SHC4: variants seen among roughly 807,000 people sequenced by gnomAD.
The protein encoded by SHC4 is SHC-transforming protein 4.
SHC4 carries 41 observed loss-of-function variants against 69.4 expected under a neutral mutation model. The ratio of observed to expected loss-of-function variants is 0.59; its 90% CI spans 0.46 to 0.77. The LOEUF is 0.77. Ranked by LOEUF, SHC4 falls within the 30% of genes least tolerant of loss-of-function variation. The pLI is 0.00. For missense variants in SHC4, 777 were observed against 783.8 expected (o/e 0.99, Z 0.10); for synonymous variants, 318 against 299.3 (o/e 1.06, Z -0.64).
At chr15:48,893,927 G>A (rs936914687) in intron 2 of SHC4, among the ~76,000 whole-genome samples, 1 of 152,176 alleles carries the variant, frequency 6.6e-6, no homozygotes. Flanking sequence ...ACTCCCACCT[G>A]GGTGACAGAG....
At chr15:48,939,436 T>G (rs1901134629) in intron 1 of SHC4, among the ~76,000 whole-genome samples, 1 of 152,220 alleles carries the variant, frequency 6.6e-6, no homozygotes, top group South Asian at 2.1e-4. Flanking sequence ...AAATACCAAA[T>G]ACTTCAATAT....
chr15:48,845,890 C>T (rs1899081736), intron 9 of SHC4, among the ~76,000 whole-genome samples: 1 of 152,084 alleles, frequency 6.6e-6, no homozygotes, highest in Non-Finnish European at 1.5e-5. Flanking sequence ...TATATTAGCA[C>T]ATGTGTATAC....
At chr15:48,848,013 A>AC (rs530361228) in intron 9 of SHC4, among the ~76,000 whole-genome samples, 270 of 151,408 alleles carry the variant, frequency 1.8e-3, no homozygotes, top group Non-Finnish European at 3.3e-3. Flanking sequence ...AAAAAAAAAA[A>AC]AAAACAAAAA....
intron 11 of SHC4, among the ~76,000 whole-genome samples, chr15:48,832,376 T>TAA (rs1954501319): frequency 6.6e-6 from 1 of 152,220 alleles, no homozygotes; most frequent in African/African-American, 2.4e-5. Flanking sequence ...AACCCACTGA[T>TAA]AGTCTTACGG....
Position 48,917,519 on chromosome 15 carries a change from T to G in SHC4, c.656+7360A>C, listed in dbSNP as rs143925249. On this transcript the variant is annotated intron_variant, in intron 2 of 11. Coordinates refer to ENST00000332408, the MANE Select transcript of SHC4 (RefSeq NM_203349.4). Reference sequence around the variant, plus strand: ...ACTTTGTTTTCCTAATGATCTTGTTTCTCTTTACTATCAGTAAAAACCTCC... The same window carrying G: ...ACTTTGTTTTCCTAATGATCTTGTTGCTCTTTACTATCAGTAAAAACCTCC... Among the ~76,000 whole-genome samples the G allele has an allele frequency of 2.5e-3, 382 of 152,260 alleles. 1 individual carries two copies. Among genetic ancestry groups the G allele is most frequent in the African/African-American group, 9.0e-3 (375 of 41,532 alleles).
Position 48,878,577 on chromosome 15 carries a change from T to C in SHC4, c.840+5671A>G, listed in dbSNP as rs1252850734. 3.1e-6 allele frequency: 5 copies of C among 1,613,946 alleles called. No individual in the cohort carries two copies. The East Asian group carries it at 1.1e-4, about 36-fold the overall frequency. ...GCCGCTCTTGAAGAAGCCGACAAGA[T>C]GTTTCTGAGAACAAGAGAACCAGCC... On this transcript the variant is annotated intron_variant, in intron 4 of 11. Coordinates refer to ENST00000332408, the MANE Select transcript of SHC4 (RefSeq NM_203349.4).
intron 9 of SHC4, among the ~76,000 whole-genome samples, chr15:48,846,226 T>C (rs1033587847): frequency 1.3e-5 from 2 of 152,184 alleles, no homozygotes; most frequent in Admixed American, 1.3e-4. Flanking sequence ...TCTTACTATC[T>C]GAGCGGTCTG....
chr15:48,854,281 T>TATCAC (rs1899270077), intron 8 of SHC4, among the ~76,000 whole-genome samples: 1 of 151,962 alleles, frequency 6.6e-6, no homozygotes, highest in Non-Finnish European at 1.5e-5. Flanking sequence ...TCACATATCA[T>TATCAC]ATCAGAATGA....
At chr15:48,904,620 G>A (rs1478971785) in intron 2 of SHC4, among the ~76,000 whole-genome samples, 1 of 152,084 alleles carries the variant, frequency 6.6e-6, no homozygotes, top group Non-Finnish European at 1.5e-5. Context: ...GCTCACACCT[G>A]TAATCCCAGC....
At chr15:48,854,782 G>A (rs117783167) in intron 8 of SHC4, among the ~76,000 whole-genome samples, 2,738 of 152,168 alleles carry the variant, frequency 0.018, 162 homozygotes, top group Admixed American at 0.12. Flanking sequence ...ACTCATAGAC[G>A]TAAAGATGGC....
intron 4 of SHC4, chr15:48,878,288 C>T: frequency 6.2e-7 from 1 of 1,613,700 alleles, no homozygotes; most frequent in Non-Finnish European, 8.5e-7. Context: ...CAGCGGGAGC[C>T]GGGAGCTATC....
chr15:48,851,213 G>A lies in SHC4; in HGVS notation c.1278C>T (p.Asn426=), dbSNP rs1348121295. The part of the protein sequence containing the change: ...GNSKCSSVYE[N]CLEQSRAIGN... ...CTATTGCCCTGCTTTGTTCTAAACAGTTCTCATATACACTGCTGCACTTGG... is the reference window on the plus strand; with the variant it reads ...CTATTGCCCTGCTTTGTTCTAAACAATTCTCATATACACTGCTGCACTTGG... The change falls in exon 9 of 12, where the codon AAC becomes AAT. Residue 426 remains asparagine (N), a synonymous_variant. Coordinates refer to ENST00000332408, the MANE Select transcript of SHC4 (RefSeq NM_203349.4). 1 of 1,614,078 alleles carries A rather than the reference G, an allele frequency of 6.2e-7. No individual in the cohort carries two copies. Among genetic ancestry groups the A allele is most frequent in the South Asian group, 1.1e-5 (1 of 91,070 alleles).
chr15:48,962,619 G>A lies in SHC4; in HGVS notation c.397C>T (p.Pro133Ser). 2 of 1,614,168 alleles carry A rather than the reference G, an allele frequency of 1.2e-6. No homozygotes were observed. Among genetic ancestry groups the A allele is most frequent in the Non-Finnish European group, 1.7e-6 (2 of 1,180,016 alleles). The change falls in exon 1 of 12, where the codon CCA becomes TCA. Residue 133 changes from proline (P) to serine (S), a missense_variant. Physicochemically the swap from Pro to Ser is moderately conservative, Grantham distance 74. Transcript: ENST00000332408. Reference protein sequence around the residue: ...RDPGSSGPSSPETSLSRSGTA... With the variant: ...RDPGSSGPSSSETSLSRSGTA... ...CCGGACCTACTTAAACTGGTTTCTG[G>A]GGAAGAGGGGCCGCTGGAACCTGGG...
chr15:48,919,441 C>T lies in SHC4; in HGVS notation c.656+5438G>A, dbSNP rs1177592648. 2.0e-5 allele frequency among the ~76,000 whole-genome samples: 3 copies of T among 151,396 alleles called. No individual in the cohort carries two copies. The East Asian group carries it at 5.8e-4, about 29-fold the overall frequency. On this transcript the variant is annotated intron_variant, in intron 2 of 11. Coordinates refer to ENST00000332408, the MANE Select transcript of SHC4 (RefSeq NM_203349.4). ...TTGGCCTATAGCATATCTGGGACTA[C>T]AGGCTTGCACTACCATGCTTTATTT...
intron 4 of SHC4, among the ~76,000 whole-genome samples, chr15:48,875,858 A>T: frequency 6.6e-6 from 1 of 152,210 alleles, no homozygotes. Context: ...CTAGTCAGAA[A>T]ATGTCACCTG....
At chr15:48,866,122 C>A (rs1222759151) in intron 6 of SHC4, among the ~76,000 whole-genome samples, 1 of 152,080 alleles carries the variant, frequency 6.6e-6, no homozygotes. Flanking sequence ...CATGTTAAGA[C>A]AAAAAGTGTT....
intron 1 of SHC4, among the ~76,000 whole-genome samples, chr15:48,939,169 A>T (rs536263351): frequency 6.6e-6 from 1 of 152,310 alleles, no homozygotes; most frequent in East Asian, 1.9e-4. Flanking sequence ...GGAGCTGATA[A>T]ACAAGCCTCA....
Position 48,908,714 on chromosome 15 carries a change from A to G in SHC4, c.656+16165T>C, listed in dbSNP as rs144593780. 6.4e-3 allele frequency among the ~76,000 whole-genome samples: 975 copies of G among 152,168 alleles called. 2 individuals are homozygous for G. The highest frequency in any genetic ancestry group is 0.01 in the Middle Eastern group (3 of 294). On this transcript the variant is annotated intron_variant, in intron 2 of 11. Coordinates refer to ENST00000332408, the MANE Select transcript of SHC4 (RefSeq NM_203349.4). The stretch of plus-strand genomic sequence containing the variant: ...AGGTTTAAATCCTTAATCCATCTTG[A>G]GTTGATTTTTGTATAAGGTGAGTGA...
intron 4 of SHC4, among the ~76,000 whole-genome samples, chr15:48,874,160 C>T (rs1899749004): frequency 6.6e-6 from 1 of 152,128 alleles, no homozygotes. Flanking sequence ...AGAGTTAGCG[C>T]AGTTTTTTAA....
Sources: gnomAD v4.1 joint callset for allele counts (sites outside exome capture counted in the v4.1 genomes callset) on GRCh38, gnomAD v4.1.1 for gene constraint, MANE v1.5 for transcripts, NCBI Gene and HGNC (gene_info 2026-07-23, HGNC 2026-07-21) for gene names.